Variants in SRSF4 observed in about 807,000 individuals in gnomAD.
SRSF4 encodes serine and arginine rich splicing factor 4.
In SRSF4, 12 loss-of-function variants were observed where a neutral mutation model predicts 48.8. That is an observed-to-expected ratio of 0.25 (90% CI 0.16 to 0.40). The LOEUF (loss-of-function observed/expected upper bound fraction) is 0.40, where lower values mean the gene tolerates loss of function less well. Among genes scored for constraint, SRSF4 ranks in the 10% least tolerant of loss-of-function variants. The pLI is 1.00. For missense variants in SRSF4, 466 were observed against 667.1 expected (o/e 0.70, Z 3.32); for synonymous variants, 248 against 232.5 (o/e 1.07, Z -0.61).
intron 1 of SRSF4, among the ~76,000 whole-genome samples, chr1:29,175,694 C>CAAAAAAAAAAAAAAAAAA (rs60942124): frequency 2.6e-5 from 1 of 38,588 alleles, no homozygotes; most frequent in African/African-American, 1.3e-4. Flanking sequence ...GACGCTGTCT[C>CAAAAAAAAAAAAAAAAAA]AAAAAAAAAA....
At chr1:29,176,178 AAAG>A (rs1483683923) in intron 1 of SRSF4, among the ~76,000 whole-genome samples, 3 of 151,914 alleles carry the variant, frequency 2.0e-5, no homozygotes, top group Non-Finnish European at 4.4e-5. Flanking sequence ...CTTGAACCCA[AAAG>A]GCGGAAGTTG....
intron 1 of SRSF4, chr1:29,173,455 T>TGAA: frequency 7.7e-6 from 1 of 129,662 alleles, no homozygotes; most frequent in Non-Finnish European, 1.6e-5. Flanking sequence ...AAAAAGTTGT[T>TGAA]TTTTTTTTTT....
chr1:29,166,777 T>C (rs1166428738), intron 1 of SRSF4: 1 of 152,276 alleles, frequency 6.6e-6, no homozygotes, highest in African/African-American at 2.4e-5. Context: ...GGGCTCACCA[T>C]TACCCAGTCT....
intron 1 of SRSF4, among the ~76,000 whole-genome samples, chr1:29,161,168 C>A (rs1422002084): frequency 6.6e-6 from 1 of 152,130 alleles, no homozygotes; most frequent in African/African-American, 2.4e-5. Flanking sequence ...ATTGCTACAT[C>A]TTTTCCAGCC....
intron 1 of SRSF4, among the ~76,000 whole-genome samples, chr1:29,177,893 A>ATTTTTTTTTTTTTTTTTTTTTTTTTTTT: frequency 1.1e-5 from 1 of 93,636 alleles, no homozygotes; most frequent in Non-Finnish European, 2.0e-5. Context: ...ATTACACAAG[A>ATTTTTTTTTTTTTTTTTTTTTTTTTTTT]TTTTTTTTTT....
Position 29,173,788 on chromosome 1 carries a change from T to C in SRSF4, c.107+7858A>G, listed in dbSNP as rs183188146. 1.6e-4 allele frequency among the ~76,000 whole-genome samples: 24 copies of C among 152,004 alleles called. No individual in the cohort carries two copies. In the East Asian group the frequency reaches 2.5e-3, roughly 16 times the overall value. ...AATTTGTTATGCTTGATAGGCTAAA[T>C]AGACAAGCCTTAAAGGCTGCCAAAT... On this transcript the variant is annotated intron_variant, in intron 1 of 5. Transcript: ENST00000373795.
intron 2 of SRSF4, chr1:29,159,744 ATTAACAAT>A: frequency 6.9e-6 from 2 of 288,998 alleles, no homozygotes; most frequent in Admixed American, 4.7e-5. Context: ...ATTTAAAACT[ATTAACAAT>A]TTAACAATTT....
intron 1 of SRSF4, among the ~76,000 whole-genome samples, chr1:29,164,143 G>T (rs1013847134): frequency 2.6e-5 from 4 of 152,288 alleles, no homozygotes; most frequent in African/African-American, 9.6e-5. Flanking sequence ...ACGCCACTGT[G>T]CTGGGCTTCA....
rs764275605 is a variant in SRSF4 at position 29,181,666 on chromosome 1, C to A, written c.87G>T (p.Leu29=). 1 of 1,595,296 alleles carries A rather than the reference C, an allele frequency of 6.3e-7. No homozygotes were observed. Among genetic ancestry groups the A allele is most frequent in the South Asian group, 1.1e-5 (1 of 88,726 alleles). ...CTCACCCGTTCTTCAGATCCACCTC[C>A]AGGATCTTCCCGTAGCCCTTAAAGA... ...ERFFKGYGKI[L]EVDLKNGYGF... The change falls in exon 1 of 6, where the codon CTG becomes CTT. Residue 29 remains leucine (L), a synonymous_variant. Coordinates refer to ENST00000373795, the MANE Select transcript of SRSF4 (RefSeq NM_005626.5).
chr1:29,160,522 AAG>A lies in SRSF4; in HGVS notation c.108-7_108-6del. On this transcript the variant is annotated splice_polypyrimidine_tract_variant and splice_region_variant and intron_variant, in intron 1 of 5. Coordinates refer to ENST00000373795, the MANE Select transcript of SRSF4 (RefSeq NM_005626.5). ...TCAAACTCCACAAAACCATATCTAG[AAG>A]AGAGCAAAGAAAATACTGGTTGGTA... 1.3e-6 allele frequency: 2 copies of A among 1,596,972 alleles called. No homozygotes were observed. Among genetic ancestry groups the A allele is most frequent in the South Asian group, 2.3e-5 (2 of 88,542 alleles).
chr1:29,158,342 T>C (rs751917168), intron 3 of SRSF4, among the ~76,000 whole-genome samples: 2 of 152,206 alleles, frequency 1.3e-5, no homozygotes, highest in Non-Finnish European at 2.9e-5. Flanking sequence ...TGATGTGAAT[T>C]TGCATGTTAT....
chr1:29,153,655 C>A (rs1359032494), intron 4 of SRSF4, among the ~76,000 whole-genome samples: 1 of 147,250 alleles, frequency 6.8e-6, no homozygotes. Context: ...GGCTAGAGTG[C>A]AACGGTGCGC....
chr1:29,165,473 T>C (rs574189587), intron 1 of SRSF4, among the ~76,000 whole-genome samples: 2 of 152,358 alleles, frequency 1.3e-5, no homozygotes, highest in South Asian at 2.1e-4. Context: ...GTTTGTATCC[T>C]TGCTAAATAT....
chr1:29,161,888 C>T (rs891971763), intron 1 of SRSF4, among the ~76,000 whole-genome samples: 2 of 152,202 alleles, frequency 1.3e-5, no homozygotes, highest in Non-Finnish European at 2.9e-5. Flanking sequence ...CCACTGCGCC[C>T]GGCCTCCAGT....
At chr1:29,160,871 C>G (rs1421437705) in intron 1 of SRSF4, among the ~76,000 whole-genome samples, 1 of 152,200 alleles carries the variant, frequency 6.6e-6, no homozygotes, top group Non-Finnish European at 1.5e-5. Flanking sequence ...CTTTCAAACA[C>G]CACATAAAAC....
rs755735044 is a variant in SRSF4, at chr1:29,148,723, C to T, written c.1172G>A (p.Ser391Asn). ...GSKRDSKAGS[S>N]KKKKKEDTDR... ...AGTGTCTTCCTTCTTCTTCTTCTTG[C>T]TGCTGCCCGCCTTGCTGTCTCGCTT... Residue 391 changes from serine to asparagine, a missense_variant, in exon 6 of 6, where the codon AGC becomes AAC. Physicochemically the swap from Ser to Asn is conservative, Grantham distance 46. Transcript: ENST00000373795. 4 of 1,613,850 alleles carry T rather than the reference C, an allele frequency of 2.5e-6. No homozygotes were observed. The East Asian group carries it at 6.7e-5, about 27-fold the overall frequency.
chr1:29,160,546 G>C (rs1672578485), intron 1 of SRSF4, 29 bp from the exon 2 acceptor site: 1 of 1,568,996 alleles, frequency 6.4e-7, no homozygotes, highest in South Asian at 1.2e-5. Context: ...AATACTGGTT[G>C]GTACCATTTT....
chr1:29,148,856 G>T lies in SRSF4; in HGVS notation c.1039C>A (p.Arg347Ser). 1 of 1,607,560 alleles carries T rather than the reference G, an allele frequency of 6.2e-7. No individual in the cohort carries two copies. Among genetic ancestry groups the T allele is most frequent in the Non-Finnish European group, 8.5e-7 (1 of 1,176,164 alleles). ...TTCCTCTTGTCCTTGCTCTTGCTGCGGCTCCTGCTCCGGCTCCTGCTGCCC... is the reference window on the plus strand; with the variant it reads ...TTCCTCTTGTCCTTGCTCTTGCTGCTGCTCCTGCTCCGGCTCCTGCTGCCC... ...KGGSRSRSRS[R>S]SKSKDKRKGR... Residue 347 changes from arginine to serine, a missense_variant, in exon 6 of 6, where the codon CGC becomes AGC. Physicochemically the swap from Arg to Ser is moderately radical, Grantham distance 110 (BLOSUM62 -1). Around this residue, in one of 2 missense-constraint regions of SRSF4, gnomAD observed 402 missense variants for 437.0 expected, o/e 0.92. Coordinates refer to ENST00000373795, the MANE Select transcript of SRSF4 (RefSeq NM_005626.5).
chr1:29,175,985 G>A (rs1053747971), intron 1 of SRSF4, among the ~76,000 whole-genome samples: 3 of 152,084 alleles, frequency 2.0e-5, no homozygotes, highest in African/African-American at 7.2e-5. Context: ...GGGCATGGTG[G>A]CTCACACCTG....
Sources: gnomAD v4.1 joint callset for allele counts (sites outside exome capture counted in the v4.1 genomes callset) on GRCh38, gnomAD v4.1.1 for gene constraint, gnomAD v4.1.1 regional missense constraint, MANE v1.5 for transcripts, NCBI Gene and HGNC (gene_info 2026-07-23, HGNC 2026-07-21) for gene names.